The following RYR3 variants were observed in gnomAD, a reference collection of about 807,000 sequenced individuals.
The protein encoded by RYR3 is brain ryanodine receptor-calcium release channel.
In RYR3, 207 loss-of-function variants were observed where a neutral mutation model predicts 584.3. That is an observed-to-expected ratio of 0.35 (90% CI 0.32 to 0.40). The LOEUF is 0.40. RYR3 is among the 10% of genes least tolerant of loss of function. The pLI, the probability that RYR3 is intolerant of heterozygous loss-of-function variation, is 1.00. For synonymous variants in RYR3, 2,416 were observed against 2,248.5 expected (o/e 1.07, Z -2.11); for missense variants, 5,616 against 6,089.2 (o/e 0.92, Z 2.59).
chr15:33,366,991 C>T (rs536763206), intron 1 of RYR3, among the ~76,000 whole-genome samples: 3 of 152,270 alleles, frequency 2.0e-5, no homozygotes, highest in Non-Finnish European at 2.9e-5. Flanking sequence ...CTGATATTAG[C>T]GTGGCCAATT....
At chr15:33,481,829 G>C (rs569625851) in intron 2 of RYR3, among the ~76,000 whole-genome samples, 1 of 144,114 alleles carries the variant, frequency 6.9e-6, no homozygotes, top group Non-Finnish European at 1.5e-5. Flanking sequence ...AATATAAATC[G>C]TTAACTTATC....
chr15:33,570,707 T>G (rs1256925457), intron 12 of RYR3, among the ~76,000 whole-genome samples: 1 of 152,208 alleles, frequency 6.6e-6, no homozygotes, highest in Non-Finnish European at 1.5e-5. Flanking sequence ...CTTCCAATCT[T>G]CAAACATAAA....
chr15:33,678,056 G>A (rs2152735416), intron 38 of RYR3, among the ~76,000 whole-genome samples: 1 of 152,272 alleles, frequency 6.6e-6, no homozygotes, highest in African/African-American at 2.4e-5. Context: ...CATCATCGTT[G>A]GGGAAATTCC....
At chr15:33,342,160 C>T (rs911507422) in intron 1 of RYR3, among the ~76,000 whole-genome samples, 3 of 152,210 alleles carry the variant, frequency 2.0e-5, no homozygotes, top group South Asian at 2.1e-4. Flanking sequence ...CGTATTACTT[C>T]GGCACTTAGG....
chr15:33,762,764 C>A (rs1320307626), intron 60 of RYR3, among the ~76,000 whole-genome samples: 1 of 152,144 alleles, frequency 6.6e-6, no homozygotes, highest in African/African-American at 2.4e-5. Flanking sequence ...TAGAAAAAAA[C>A]TACTTTAAAT....
At chr15:33,519,630 T>C (rs1290033602) in intron 3 of RYR3, among the ~76,000 whole-genome samples, 1 of 152,034 alleles carries the variant, frequency 6.6e-6, no homozygotes, top group African/African-American at 2.4e-5. Flanking sequence ...ATGTTGTTTT[T>C]TTTTTTTCTT....
intron 38 of RYR3, among the ~76,000 whole-genome samples, chr15:33,682,874 C>A (rs766071538): frequency 1.3e-5 from 2 of 152,076 alleles, no homozygotes; most frequent in Non-Finnish European, 2.9e-5. Flanking sequence ...AAGTGGTGTG[C>A]ACATGCATGT....
At chr15:33,572,658 T>TACACACACACAC (rs57835355) in intron 12 of RYR3, among the ~76,000 whole-genome samples, 3 of 124,514 alleles carry the variant, frequency 2.4e-5, no homozygotes, top group African/African-American at 9.8e-5. Context: ...AAACTATATA[T>TACACACACACAC]ACACACACAC....
Position 33,736,405 on chromosome 15 carries a change from A to T in RYR3, c.7515+80A>T, listed in dbSNP as rs558858594. On this transcript the variant is annotated intron_variant, in intron 49 of 103. Transcript: ENST00000634891. ...GTAATATGTGATGTCTTCACAATTT[A>T]GAAGGAAAAATACATGCTAAATGGG... is the stretch of plus-strand genomic sequence containing the variant. The T allele has an allele frequency of 5.8e-4, 547 of 943,274 alleles. 3 individuals carry two copies. The African/African-American group carries it at 7.9e-3, about 14-fold the overall frequency. 58.4% of individuals were successfully genotyped at this position (943,274 alleles called of 1,614,324 possible). A position where few individuals can be genotyped will look rare whatever the true frequency, so the allele number is the denominator to read the frequency against.
At chr15:33,806,987 G>T (rs1294589190) in intron 69 of RYR3, among the ~76,000 whole-genome samples, 2 of 150,436 alleles carry the variant, frequency 1.3e-5, no homozygotes, top group African/African-American at 4.9e-5. Flanking sequence ...CTAGCTTCAA[G>T]TGATCTTGCC....
intron 1 of RYR3, among the ~76,000 whole-genome samples, chr15:33,377,375 G>A (rs1373394958): frequency 2.6e-5 from 4 of 152,180 alleles, no homozygotes; most frequent in African/African-American, 9.7e-5. Flanking sequence ...CATGGATGGG[G>A]AAGAAGACAC....
intron 62 of RYR3, among the ~76,000 whole-genome samples, chr15:33,769,964 A>G (rs1192048256): frequency 1.3e-5 from 2 of 152,022 alleles, no homozygotes. Flanking sequence ...ATATATATAA[A>G]TAAGAGAGAA....
At chr15:33,332,049 C>T (rs1448681026) in intron 1 of RYR3, among the ~76,000 whole-genome samples, 1 of 151,948 alleles carries the variant, frequency 6.6e-6, no homozygotes, top group East Asian at 1.9e-4. Flanking sequence ...TAGTACATAA[C>T]TTTAAAGCAA....
At chr15:33,563,128 A>G (rs983344615) in intron 11 of RYR3, 118 bp downstream of exon 11, 14 of 853,872 alleles carry the variant, frequency 1.6e-5, no homozygotes, top group Admixed American at 5.2e-5. Flanking sequence ...ACTATTCAGA[A>G]GAGTTATTTT....
intron 1 of RYR3, among the ~76,000 whole-genome samples, chr15:33,335,301 G>A (rs1289377320): frequency 6.6e-6 from 1 of 152,154 alleles, no homozygotes; most frequent in Non-Finnish European, 1.5e-5. Context: ...GTGATAGACT[G>A]GATAAAGAAA....
chr15:33,624,827 C>A lies in RYR3; in HGVS notation c.2574+804C>A, dbSNP rs566116543. Among the ~76,000 whole-genome samples, 13 of 152,232 alleles carry A rather than the reference C, an allele frequency of 8.5e-5. No homozygotes were observed. The South Asian group carries it at 2.7e-3, about 32-fold the overall frequency. ...TTATAGAAAATAAATGAAAAGAGAC[C>A]ATGCCTCTAAGGCACTTGGGGTTAA... On this transcript the variant is annotated intron_variant, in intron 20 of 103. Coordinates refer to ENST00000634891, the MANE Select transcript of RYR3 (RefSeq NM_001036.6).
intron 1 of RYR3, among the ~76,000 whole-genome samples, chr15:33,405,201 T>C (rs1454839955): frequency 1.3e-5 from 2 of 152,234 alleles, no homozygotes; most frequent in Non-Finnish European, 2.9e-5. Flanking sequence ...GAAGTTGGCT[T>C]AGTGATCTGA....
At chr15:33,614,144 G>T (rs895717125) in intron 19 of RYR3, among the ~76,000 whole-genome samples, 8 of 152,092 alleles carry the variant, frequency 5.3e-5, no homozygotes, top group Admixed American at 5.2e-4. Flanking sequence ...AATCTAACCT[G>T]AACTCATTTT....
intron 38 of RYR3, among the ~76,000 whole-genome samples, chr15:33,683,319 G>A (rs574737455): frequency 2.0e-5 from 3 of 152,088 alleles, no homozygotes; most frequent in African/African-American, 7.2e-5. Context: ...TATGAATACT[G>A]AAGTATTTTG....
Sources: allele counts gnomAD v4.1 joint callset (sites outside exome capture counted in the v4.1 genomes callset), GRCh38; gene constraint gnomAD v4.1.1; transcripts MANE v1.5; gene names NCBI Gene and HGNC (gene_info 2026-07-23, HGNC 2026-07-21).